Variants in WSCD2 observed in about 807,000 individuals in gnomAD.
WSCD2 encodes WSC domain sialate O sulfotransferase 2, also known as sialate:O-sulfotransferase 2.
WSCD2 carries 28 observed loss-of-function variants against 55.7 expected under a neutral mutation model. That is an observed-to-expected ratio of 0.50 (90% confidence interval 0.37 to 0.69). WSCD2 has a LOEUF of 0.69. Among genes scored for constraint, WSCD2 ranks in the 30% least tolerant of loss-of-function variants. WSCD2 has a pLI of 0.00. For synonymous variants in WSCD2, 301 were observed against 301.9 expected, an observed-to-expected ratio of 1.00 and a Z score of 0.03; for missense variants, 616 against 762.1, an observed-to-expected ratio of 0.81 and a Z score of 2.26.
intron 1 of WSCD2, among the ~76,000 whole-genome samples, chr12:108,141,238 G>A (rs114143107): frequency 0.023 from 3,482 of 152,092 alleles, 121 homozygotes; most frequent in African/African-American, 0.078. Flanking sequence ...AAAACTTTTT[G>A]TTCTTTTTTG....
In WSCD2 at chr12:108,162,180, A is replaced by T. The variant is rs141578529; in HGVS notation, c.-552+32254A>T. On this transcript the variant is annotated intron_variant, in intron 1 of 8. Coordinates refer to ENST00000547525, the MANE Select transcript of WSCD2 (RefSeq NM_014653.4). ...AAGGAAGGACGGCAGAGGGACTGTG[A>T]CCTCAGATTCTCTTCCAAGCCTGAA... Among the ~76,000 whole-genome samples, 11 of 152,296 alleles carry T rather than the reference A, an allele frequency of 7.2e-5. No individual in the cohort carries two copies. In the East Asian group the frequency reaches 2.1e-3, roughly 29 times the overall value.
intron 1 of WSCD2, among the ~76,000 whole-genome samples, chr12:108,151,845 T>C (rs1451152444): frequency 6.6e-6 from 1 of 152,220 alleles, no homozygotes; most frequent in Admixed American, 6.5e-5. Context: ...TTTGGACAGA[T>C]AACACTTCTC....
chr12:108,216,444 C>G (rs993653380), intron 4 of WSCD2, among the ~76,000 whole-genome samples: 4 of 152,178 alleles, frequency 2.6e-5, no homozygotes, highest in Admixed American at 1.3e-4. Context: ...ATTCATGACT[C>G]CAGGGAGTAC....
intron 1 of WSCD2, among the ~76,000 whole-genome samples, chr12:108,154,103 A>G (rs775934960): frequency 4.0e-4 from 61 of 152,206 alleles, no homozygotes; most frequent in Non-Finnish European, 1.0e-4. Context: ...GGGCCCCCTG[A>G]GTGTCCTCAG....
At chr12:108,134,082 A>G (rs1428017313) in intron 1 of WSCD2, among the ~76,000 whole-genome samples, 2 of 152,152 alleles carry the variant, frequency 1.3e-5, no homozygotes, top group East Asian at 1.9e-4. Context: ...GTTGCTGCTT[A>G]GGGGCCTTCT....
At chr12:108,198,198 T>C (rs1446207068) in intron 2 of WSCD2, among the ~76,000 whole-genome samples, 1 of 152,044 alleles carries the variant, frequency 6.6e-6, no homozygotes, top group African/African-American at 2.4e-5. Context: ...GGCAGGGCTA[T>C]TACCTGTCCT....
chr12:108,248,521 G>T lies in WSCD2; in HGVS notation c.*178G>T. ...CAGAGGAGGCTCAAGGGAAGAGATT[G>T]CCCAGGCACTACCACTCTGCTCACA... is the stretch of plus-strand genomic sequence containing the variant. On this transcript the variant is annotated 3_prime_UTR_variant, in exon 9 of 9. Transcript: ENST00000547525. The surrounding 1 kb of genome is among the most constrained non-coding windows in gnomAD (Gnocchi z 4.3). 1 of 1,420,276 alleles carries T rather than the reference G, an allele frequency of 7.0e-7. No homozygotes were observed. 88.0% of individuals were successfully genotyped at this position (1,420,276 alleles called of 1,614,324 possible).
intron 1 of WSCD2, among the ~76,000 whole-genome samples, chr12:108,146,396 G>A (rs554960143): frequency 6.6e-6 from 1 of 152,360 alleles, no homozygotes; most frequent in African/African-American, 2.4e-5. Flanking sequence ...AAGAACCAGA[G>A]CAGCTTTTGT....
At chr12:108,230,717 T>C (rs1888654595) in intron 6 of WSCD2, among the ~76,000 whole-genome samples, 1 of 152,162 alleles carries the variant, frequency 6.6e-6, no homozygotes, top group Non-Finnish European at 1.5e-5. Context: ...GGTAAAATCT[T>C]GGGAAGGAAT....
chr12:108,212,618 C>CACAG (rs536701684), intron 4 of WSCD2, among the ~76,000 whole-genome samples: 7,009 of 149,584 alleles, frequency 0.047, 200 homozygotes, highest in African/African-American at 0.085. Flanking sequence ...CTCTCTCACA[C>CACAG]ACACACACAC....
At chr12:108,152,713 A>C (rs1295698465) in intron 1 of WSCD2, among the ~76,000 whole-genome samples, 1 of 152,184 alleles carries the variant, frequency 6.6e-6, no homozygotes, top group Non-Finnish European at 1.5e-5. Context: ...CCACATCTGG[A>C]GGCTCAGCTT....
chr12:108,199,276 C>A (rs1306526572), intron 2 of WSCD2, among the ~76,000 whole-genome samples: 6 of 152,204 alleles, frequency 3.9e-5, no homozygotes, highest in African/African-American at 1.4e-4. Context: ...GAGGGCTCTG[C>A]TTGATGCAGT....
intron 1 of WSCD2, among the ~76,000 whole-genome samples, chr12:108,186,474 C>T (rs897674394): frequency 2.0e-5 from 3 of 152,200 alleles, no homozygotes; most frequent in African/African-American, 7.2e-5. Flanking sequence ...TCATACGGAG[C>T]AGTTTCACTG....
chr12:108,232,476 A>C (rs1888875420), intron 6 of WSCD2, among the ~76,000 whole-genome samples: 1 of 152,066 alleles, frequency 6.6e-6, no homozygotes, highest in Non-Finnish European at 1.5e-5. Context: ...ACTATGGGCT[A>C]AGCACTGTGC....
At chr12:108,237,220 C>T (rs1889342008) in intron 7 of WSCD2, among the ~76,000 whole-genome samples, 1 of 152,134 alleles carries the variant, frequency 6.6e-6, no homozygotes, top group African/African-American at 2.4e-5. Flanking sequence ...TTCCTTAGCT[C>T]CCCTAACTGA....
In WSCD2 at chr12:108,248,841, A is replaced by G. The variant is rs560771994; in HGVS notation, c.*498A>G. ...AAGTGCTGGCACCGATGTTTAACTC[A>G]GGCCACCTTCTGTTCTAAAGAAAGA... On this transcript the variant is annotated 3_prime_UTR_variant, in exon 9 of 9. Coordinates refer to ENST00000547525, the MANE Select transcript of WSCD2 (RefSeq NM_014653.4). The surrounding 1 kb of genome is among the most constrained non-coding windows in gnomAD (Gnocchi z 4.3). 3.0e-6 allele frequency: 3 copies of G among 989,582 alleles called. No individual in the cohort carries two copies. The highest frequency in any genetic ancestry group is 9.3e-5 in the South Asian group (2 of 21,528). 61.3% of individuals were successfully genotyped at this position (989,582 alleles called of 1,614,324 possible).
chr12:108,205,247 C>T (rs948248544), intron 2 of WSCD2, among the ~76,000 whole-genome samples: 2 of 152,188 alleles, frequency 1.3e-5, no homozygotes, highest in African/African-American at 4.8e-5. Context: ...ATTCTGAATC[C>T]ACACATATGA....
At chr12:108,211,630 C>CATATATAT (rs56944563) in intron 4 of WSCD2, among the ~76,000 whole-genome samples, 101 of 138,528 alleles carry the variant, frequency 7.3e-4, no homozygotes, top group Middle Eastern at 3.7e-3. Context: ...TTTCAAATCC[C>CATATATAT]ATATATATAT....
At chr12:108,227,320 C>T (rs1367328072) in intron 6 of WSCD2, among the ~76,000 whole-genome samples, 156 bp downstream of exon 6, 1 of 152,228 alleles carries the variant, frequency 6.6e-6, no homozygotes, top group African/African-American at 2.4e-5. Flanking sequence ...CTTAGAGTTC[C>T]TGGATGGGCA....
Sources: gnomAD v4.1 joint callset for allele counts (sites outside exome capture counted in the v4.1 genomes callset) on GRCh38, gnomAD v4.1.1 for gene constraint, Gnocchi (gnomAD v3.1) non-coding constraint, MANE v1.5 for transcripts, NCBI Gene and HGNC (gene_info 2026-07-23, HGNC 2026-07-21) for gene names.